PRKG1: variants seen among roughly 807,000 people sequenced by gnomAD.
PRKG1 encodes the protein cGMP-dependent protein kinase 1.
A neutral mutation model predicts 88.1 loss-of-function variants in PRKG1; 35 were observed. The observed-to-expected ratio is 0.40, with a 90% CI of 0.30 to 0.53. PRKG1 has a LOEUF of 0.53. Among genes scored for constraint, PRKG1 ranks in the 20% least tolerant of loss-of-function variants. PRKG1 has a pLI of 0.59. For missense variants in PRKG1, 540 were observed against 839.8 expected (o/e 0.64, Z 4.41); for synonymous variants, 303 against 292.5 (o/e 1.04, Z -0.37).
At chr10:51,279,788 C>T (rs1178992753) in intron 2 of PRKG1, among the ~76,000 whole-genome samples, 1 of 152,150 alleles carries the variant, frequency 6.6e-6, no homozygotes, top group Admixed American at 6.5e-5. Context: ...AGATGCGTCT[C>T]CTGAATACAG....
intron 4 of PRKG1, among the ~76,000 whole-genome samples, chr10:51,884,387 G>A: frequency 7.7e-6 from 1 of 129,408 alleles, no homozygotes; most frequent in Admixed American, 8.9e-5. Flanking sequence ...GGAGCTTGCA[G>A]TGAGTCGAGA....
chr10:51,540,266 T>C (rs928578994), intron 3 of PRKG1, among the ~76,000 whole-genome samples: 3 of 152,240 alleles, frequency 2.0e-5, no homozygotes, highest in Non-Finnish European at 4.4e-5. Flanking sequence ...TTTTAAAATA[T>C]GTAACCTCTG....
At chr10:51,277,615 G>A (rs1336030853) in intron 2 of PRKG1, among the ~76,000 whole-genome samples, 1 of 152,144 alleles carries the variant, frequency 6.6e-6, no homozygotes, top group African/African-American at 2.4e-5. Flanking sequence ...TCTTCCATTT[G>A]TTTGTGTCCT....
At chr10:51,996,400 A>T (rs1026506640) in intron 5 of PRKG1, among the ~76,000 whole-genome samples, 7 of 151,666 alleles carry the variant, frequency 4.6e-5, no homozygotes, top group Non-Finnish European at 8.8e-5. Context: ...AGGGATTAAT[A>T]TCCAAAATGT....
At chr10:51,309,807 C>T (rs144220822) in intron 2 of PRKG1, among the ~76,000 whole-genome samples, 2 of 152,126 alleles carry the variant, frequency 1.3e-5, no homozygotes, top group Non-Finnish European at 2.9e-5. Context: ...ATGTTTATTG[C>T]AATACTATTC....
intron 3 of PRKG1, among the ~76,000 whole-genome samples, chr10:51,725,553 A>G (rs370652562): frequency 6.6e-6 from 1 of 152,144 alleles, no homozygotes; most frequent in East Asian, 1.9e-4. Context: ...AGCATGGCAC[A>G]GAAGATGGGA....
intron 7 of PRKG1, among the ~76,000 whole-genome samples, chr10:52,127,853 G>T (rs910658658): frequency 4.6e-5 from 7 of 152,114 alleles, no homozygotes; most frequent in African/African-American, 1.4e-4. Flanking sequence ...AAGAGCTTCA[G>T]GACTTAGTGG....
intron 5 of PRKG1, among the ~76,000 whole-genome samples, chr10:52,016,410 C>T (rs943459713): frequency 6.6e-6 from 1 of 152,184 alleles, no homozygotes; most frequent in Non-Finnish European, 1.5e-5. Context: ...ATTAGGGAAA[C>T]TGCCCCCATG....
intron 1 of PRKG1, among the ~76,000 whole-genome samples, chr10:51,023,087 A>G (rs149768889): frequency 5.6e-4 from 86 of 152,356 alleles, no homozygotes; most frequent in African/African-American, 2.0e-3. Flanking sequence ...TAGAAAGGCC[A>G]TTTGACAGAA....
intron 3 of PRKG1, among the ~76,000 whole-genome samples, chr10:51,642,120 C>T (rs1370626536): frequency 6.6e-6 from 1 of 152,084 alleles, no homozygotes; most frequent in South Asian, 2.1e-4. Flanking sequence ...GGCTGGGTGT[C>T]GTGGCTCACC....
At chr10:51,488,647 A>G (rs1262136172) in intron 3 of PRKG1, among the ~76,000 whole-genome samples, 1 of 152,118 alleles carries the variant, frequency 6.6e-6, no homozygotes, top group East Asian at 1.9e-4. Flanking sequence ...CTTTGAATCT[A>G]CTATCCAATA....
chr10:51,148,411 T>C (rs1845990614), intron 1 of PRKG1: 1 of 288,844 alleles, frequency 3.5e-6, no homozygotes, highest in Admixed American at 6.5e-5. Context: ...CTTTCGCTGA[T>C]TTCCATTCTT....
At chr10:52,150,149 A>AAATAAT (rs67354776) in intron 8 of PRKG1, among the ~76,000 whole-genome samples, 1,458 of 82,370 alleles carry the variant, frequency 0.018, 15 homozygotes, top group African/African-American at 0.028. Context: ...CTCCATCTCA[A>AAATAAT]AATAATAATA....
At chr10:52,042,783 A>T (rs1191217934) in intron 5 of PRKG1, among the ~76,000 whole-genome samples, 1 of 152,154 alleles carries the variant, frequency 6.6e-6, no homozygotes, top group African/African-American at 2.4e-5. Context: ...TAGTGAAGAG[A>T]CAGCCTGCAG....
At chr10:52,183,036 T>C (rs1839084820) in intron 9 of PRKG1, among the ~76,000 whole-genome samples, 1 of 152,142 alleles carries the variant, frequency 6.6e-6, no homozygotes, top group Non-Finnish European at 1.5e-5. Context: ...ATCAGGTTCT[T>C]TTAAACAATC....
At chr10:51,650,545 A>G (rs1840015426) in intron 3 of PRKG1, among the ~76,000 whole-genome samples, 1 of 152,210 alleles carries the variant, frequency 6.6e-6, no homozygotes, top group Non-Finnish European at 1.5e-5. Flanking sequence ...TCAAACTATT[A>G]TCTTTGCCTT....
chr10:51,190,689 G>A (rs1417955464), intron 2 of PRKG1, among the ~76,000 whole-genome samples: 2 of 151,792 alleles, frequency 1.3e-5, no homozygotes, highest in African/African-American at 2.4e-5. Flanking sequence ...TTACATATAG[G>A]ACAGTGGTTG....
chr10:51,768,718 T>G (rs1357532440), intron 3 of PRKG1, among the ~76,000 whole-genome samples: 2 of 152,164 alleles, frequency 1.3e-5, no homozygotes, highest in Non-Finnish European at 2.9e-5. Context: ...GAATGGGGGC[T>G]GAGGACATAA....
chr10:51,332,565 T>C (rs1841768789), intron 2 of PRKG1, among the ~76,000 whole-genome samples: 1 of 152,166 alleles, frequency 6.6e-6, no homozygotes, highest in African/African-American at 2.4e-5. Flanking sequence ...AATCTATGTA[T>C]GTAAAGATAA....
Sources: gnomAD v4.1 joint callset for allele counts (sites outside exome capture counted in the v4.1 genomes callset) on GRCh38, gnomAD v4.1.1 for gene constraint, MANE v1.5 for transcripts, NCBI Gene and HGNC (gene_info 2026-07-23, HGNC 2026-07-21) for gene names.